Variants in CNTNAP2 observed in about 807,000 individuals in gnomAD.
The protein encoded by CNTNAP2 is contactin associated protein 2.
A neutral mutation model predicts 155.2 loss-of-function variants in CNTNAP2; 98 were observed. The observed-to-expected ratio is 0.63, with a 90% CI of 0.54 to 0.75. CNTNAP2 has a LOEUF of 0.75. Ranked by LOEUF, CNTNAP2 falls within the 30% of genes least tolerant of loss-of-function variation. The pLI is 0.00. For synonymous variants in CNTNAP2, 651 were observed against 631.2 expected (o/e 1.03, Z -0.47); for missense variants, 1,727 against 1,688.1 (o/e 1.02, Z -0.40).
chr7:147,923,410 T>C (rs1345760139), intron 14 of CNTNAP2, among the ~76,000 whole-genome samples: 2 of 152,146 alleles, frequency 1.3e-5, no homozygotes, highest in African/African-American at 4.8e-5. Flanking sequence ...ATTTAAGTGA[T>C]GTGTCTACCT....
chr7:146,731,190 T>G (rs1801519677), intron 1 of CNTNAP2, among the ~76,000 whole-genome samples: 1 of 151,882 alleles, frequency 6.6e-6, no homozygotes, highest in Admixed American at 6.6e-5. Context: ...ATTGTACGAG[T>G]GCCTCATGAT....
chr7:146,668,445 T>TGG (rs1563180669), intron 1 of CNTNAP2, among the ~76,000 whole-genome samples: 6 of 143,790 alleles, frequency 4.2e-5, no homozygotes, highest in East Asian at 2.0e-4. Context: ...TGTGTGTGTG[T>TGG]GTGTGTGTGT....
chr7:146,733,020 T>C (rs111976296), intron 1 of CNTNAP2, among the ~76,000 whole-genome samples: 315 of 152,250 alleles, frequency 2.1e-3, no homozygotes, highest in African/African-American at 7.1e-3. Flanking sequence ...CAAAAGTTGA[T>C]ATTCTAATCA....
intron 15 of CNTNAP2, among the ~76,000 whole-genome samples, chr7:148,005,652 A>G (rs1801963932): frequency 6.6e-6 from 1 of 152,136 alleles, no homozygotes; most frequent in African/African-American, 2.4e-5. Context: ...AAGGTGAAAC[A>G]GCATCATACA....
intron 16 of CNTNAP2, among the ~76,000 whole-genome samples, chr7:148,145,651 GA>G (rs1805163836): frequency 6.6e-6 from 1 of 152,186 alleles, no homozygotes; most frequent in African/African-American, 2.4e-5. Flanking sequence ...AGTGTTATGA[GA>G]ACAGAACAGA....
chr7:147,826,053 T>C (rs775482793), intron 13 of CNTNAP2, among the ~76,000 whole-genome samples: 2 of 152,084 alleles, frequency 1.3e-5, no homozygotes, highest in Non-Finnish European at 2.9e-5. Flanking sequence ...GGCTAAGGAG[T>C]TGTAGGCATT....
chr7:146,890,877 C>T (rs143997330), intron 3 of CNTNAP2, among the ~76,000 whole-genome samples: 279 of 152,240 alleles, frequency 1.8e-3, no homozygotes, highest in Non-Finnish European at 2.6e-3. Context: ...ACCCAGCAAT[C>T]CCATTTCTGG....
At chr7:146,633,958 G>A (rs1201067824) in intron 1 of CNTNAP2, among the ~76,000 whole-genome samples, 1 of 151,802 alleles carries the variant, frequency 6.6e-6, no homozygotes, top group African/African-American at 2.4e-5. Context: ...CTGCCATCTG[G>A]CAGGCAGCCT....
Position 146,201,007 on chromosome 7 carries a change from T to A in CNTNAP2, c.97+84034T>A, listed in dbSNP as rs114345877. On this transcript the variant is annotated intron_variant, in intron 1 of 23. Coordinates refer to ENST00000361727, the MANE Select transcript of CNTNAP2 (RefSeq NM_014141.6). ...TGTTTCAACAGGAACAGACCCTGAA[T>A]TACTGAATCCAAAAGGGATGTCTTG... Among the ~76,000 whole-genome samples the A allele has an allele frequency of 8.5e-3, 1,295 of 152,292 alleles. 21 individuals are homozygous for A. Among genetic ancestry groups the A allele is most frequent in the African/African-American group, 0.03 (1,233 of 41,550 alleles).
At chr7:146,638,476 CTTTTTTT>C (rs879600389) in intron 1 of CNTNAP2, among the ~76,000 whole-genome samples, 5,020 of 64,430 alleles carry the variant, frequency 0.078, 192 homozygotes, top group African/African-American at 0.14. Context: ...TCAGGTGTTT[CTTTTTTT>C]TTTTTTTTTT....
intron 8 of CNTNAP2, among the ~76,000 whole-genome samples, chr7:147,203,800 T>C (rs1272944409): frequency 6.6e-6 from 1 of 152,160 alleles, no homozygotes; most frequent in Non-Finnish European, 1.5e-5. Flanking sequence ...ACACTGATAG[T>C]TGCAATGCTG....
At chr7:147,072,560 T>C (rs1799913827) in intron 4 of CNTNAP2, among the ~76,000 whole-genome samples, 1 of 151,980 alleles carries the variant, frequency 6.6e-6, no homozygotes, top group Non-Finnish European at 1.5e-5. Context: ...CAGCCTAGAC[T>C]AGGATGGTGG....
intron 8 of CNTNAP2, among the ~76,000 whole-genome samples, chr7:147,250,260 C>A (rs988696187): frequency 6.6e-6 from 1 of 152,112 alleles, no homozygotes; most frequent in Non-Finnish European, 1.5e-5. Context: ...AAATGTTAAA[C>A]TTGTTACCCA....
intron 1 of CNTNAP2, among the ~76,000 whole-genome samples, chr7:146,176,543 T>A (rs1459097223): frequency 3.3e-5 from 5 of 152,160 alleles, no homozygotes; most frequent in African/African-American, 4.8e-5. Context: ...AGGATAAAAA[T>A]CAGAATATCC....
At chr7:146,177,655 A>G (rs1798489090) in intron 1 of CNTNAP2, among the ~76,000 whole-genome samples, 1 of 152,260 alleles carries the variant, frequency 6.6e-6, no homozygotes, top group African/African-American at 2.4e-5. Flanking sequence ...ACAAGCTGAC[A>G]AATCAAAAGG....
At chr7:147,465,668 C>G (rs4726867) in intron 10 of CNTNAP2, among the ~76,000 whole-genome samples, 118,953 of 152,132 alleles carry the variant, frequency 0.78, 46,878 homozygotes, top group African/African-American at 0.88. Context: ...GTTATTAGAT[C>G]CGCTGGCTTG....
At chr7:147,831,217 C>A (rs1798540169) in intron 13 of CNTNAP2, among the ~76,000 whole-genome samples, 1 of 152,138 alleles carries the variant, frequency 6.6e-6, no homozygotes, top group African/African-American at 2.4e-5. Context: ...AAAACAGTAG[C>A]ATTATGAATA....
chr7:148,132,439 A>G (rs1220263172), intron 16 of CNTNAP2, among the ~76,000 whole-genome samples: 5 of 150,274 alleles, frequency 3.3e-5, no homozygotes, highest in Non-Finnish European at 7.4e-5. Flanking sequence ...ATTGTGCTCT[A>G]GAAGTTTCTG....
chr7:147,894,479 A>G (rs760147581), intron 13 of CNTNAP2, among the ~76,000 whole-genome samples: 46 of 152,206 alleles, frequency 3.0e-4, no homozygotes, highest in Non-Finnish European at 5.6e-4. Context: ...CACTGGGAAC[A>G]ATAGTGAAAA....
Sources: gnomAD v4.1 joint callset for allele counts (sites outside exome capture counted in the v4.1 genomes callset) on GRCh38, gnomAD v4.1.1 for gene constraint, MANE v1.5 for transcripts, NCBI Gene and HGNC (gene_info 2026-07-23, HGNC 2026-07-21) for gene names.